The following P3H2 variants were observed in gnomAD, a reference collection of about 807,000 sequenced individuals.
The protein encoded by P3H2 is prolyl 3-hydroxylase 2, also known as leprecan-like 1.
In P3H2, 80 loss-of-function variants were observed where a neutral mutation model predicts 87.0. The ratio of observed to expected loss-of-function variants is 0.92; its 90% CI spans 0.77 to 1.11. The LOEUF (loss-of-function observed/expected upper bound fraction) is 1.11. Among genes scored for constraint, P3H2 ranks in the 50% least tolerant of loss-of-function variants. The pLI is 0.00. For missense variants in P3H2, 1,001 were observed against 923.9 expected, an observed-to-expected ratio of 1.08 and a Z score of -1.08; for synonymous variants, 367 against 359.3, an observed-to-expected ratio of 1.02 and a Z score of -0.24.
intron 1 of P3H2, among the ~76,000 whole-genome samples, chr3:190,118,811 C>G (rs894273822): frequency 6.6e-6 from 1 of 151,964 alleles, no homozygotes; most frequent in Non-Finnish European, 1.5e-5. Context: ...AGAAACACAG[C>G]CTGGTCCAGC....
intron 1 of P3H2, among the ~76,000 whole-genome samples, chr3:190,101,693 C>T (rs774609883): frequency 3.9e-5 from 6 of 152,040 alleles, no homozygotes; most frequent in African/African-American, 1.2e-4. Flanking sequence ...ACGCAGCAAG[C>T]GTTAATGTGG....
chr3:190,038,697 T>G (rs1725503357), intron 1 of P3H2, among the ~76,000 whole-genome samples: 1 of 152,180 alleles, frequency 6.6e-6, no homozygotes, highest in Non-Finnish European at 1.5e-5. Flanking sequence ...CAGAGGCCAT[T>G]TATTTCATCC....
At position 189,957,338 on chromosome 3, in the gene P3H2, G is replaced by C; in HGVS notation, c.*574C>G. On this transcript the variant is annotated 3_prime_UTR_variant, in exon 15 of 15. Transcript: ENST00000319332. ...GCACAGAGCAAGAAAGGGCTTCAGA[G>C]ACCAGGCACAGGTTAATTTTAGAAC... 1 of 402,118 alleles carries C rather than the reference G, an allele frequency of 2.5e-6. No individual in the cohort carries two copies. Among genetic ancestry groups the C allele is most frequent in the South Asian group, 1.3e-4 (1 of 7,534 alleles). The allele number at this position is 402,118 out of a possible 1,614,324, so 24.9% of individuals were successfully genotyped here.
chr3:190,017,548 G>A (rs143845463), intron 1 of P3H2, among the ~76,000 whole-genome samples: 4 of 152,150 alleles, frequency 2.6e-5, no homozygotes, highest in Non-Finnish European at 5.9e-5. Context: ...AATGGGAAAT[G>A]GATTTTAGCA....
intron 1 of P3H2, among the ~76,000 whole-genome samples, chr3:190,073,950 T>C (rs994613097): frequency 1.3e-5 from 2 of 152,194 alleles, no homozygotes; most frequent in Admixed American, 6.5e-5. Flanking sequence ...GTTCACTTTT[T>C]TGAGGAAGGA....
chr3:189,996,703 G>A (rs1025652803), intron 1 of P3H2, among the ~76,000 whole-genome samples: 1 of 151,858 alleles, frequency 6.6e-6, no homozygotes, highest in East Asian at 1.9e-4. Flanking sequence ...TACACATATG[G>A]AAACATCACA....
At chr3:190,048,954 T>C (rs1395648876) in intron 1 of P3H2, among the ~76,000 whole-genome samples, 2 of 152,180 alleles carry the variant, frequency 1.3e-5, no homozygotes, top group Non-Finnish European at 2.9e-5. Context: ...TAGTTAGCAT[T>C]TTAAGAACAA....
intron 1 of P3H2, among the ~76,000 whole-genome samples, chr3:190,065,745 A>G (rs950952305): frequency 1.3e-5 from 2 of 152,142 alleles, no homozygotes; most frequent in Non-Finnish European, 2.9e-5. Context: ...ATTCTGGGCT[A>G]CTGCAATAGC....
At chr3:190,120,210 G>A (rs371465271) in intron 1 of P3H2, 42 bp downstream of exon 1, 33 of 1,595,774 alleles carry the variant, frequency 2.1e-5, no homozygotes, top group Admixed American at 3.5e-5. Flanking sequence ...GAGCGTGTGA[G>A]AGCCGCAGGG....
rs1327109340 is a variant in P3H2 at position 189,971,915 on chromosome 3, G to A, written c.1792C>T (p.Pro598Ser). 3 of 1,610,432 alleles carry A rather than the reference G, an allele frequency of 1.9e-6. No homozygotes were observed. The highest frequency in any genetic ancestry group is 2.5e-6 in the Non-Finnish European group (3 of 1,176,650). ...PEANECWKEP[P>S]AYTFRDYSAL... The stretch of plus-strand genomic sequence containing the variant: ...CTATAGTCTCGAAATGTGTAAGCAG[G>A]AGGCTCCTTCCAGCATTCGTTGGCC... The change falls in exon 12 of 15, where the codon CCT becomes TCT. Residue 598 changes from proline to serine, a missense_variant. By Grantham distance (74) the Pro-to-Ser change is moderately conservative (BLOSUM62 -1). Transcript: ENST00000319332.
At chr3:190,040,577 T>C (rs1180033017) in intron 1 of P3H2, among the ~76,000 whole-genome samples, 1 of 152,178 alleles carries the variant, frequency 6.6e-6, no homozygotes, top group Admixed American at 6.5e-5. Context: ...ATGTTTGCTA[T>C]CACAAACATA....
Position 190,120,896 on chromosome 3 carries a change from G to A in P3H2, c.-165C>T. On this transcript the variant is annotated 5_prime_UTR_variant, in exon 1 of 15. Coordinates refer to ENST00000319332, the MANE Select transcript of P3H2 (RefSeq NM_018192.4). The stretch of plus-strand genomic sequence containing the variant: ...CCGCCGGCGCTCCGCGTACTGAGAG[G>A]CGGAGGCCGTGCCTGGCCAGCCGCT... The A allele has an allele frequency of 3.4e-6, 4 of 1,160,416 alleles. No homozygotes were observed. The highest frequency in any genetic ancestry group is 4.6e-6 in the Non-Finnish European group (4 of 870,226). The allele number at this position is 1,160,416 out of a possible 1,614,324, so 71.9% of individuals were successfully genotyped here.
intron 1 of P3H2, among the ~76,000 whole-genome samples, chr3:190,108,274 C>T (rs1430543025): frequency 6.6e-6 from 1 of 152,102 alleles, no homozygotes; most frequent in Non-Finnish European, 1.5e-5. Flanking sequence ...ACCTCAGCTT[C>T]CCAAAGCACT....
At chr3:189,973,727 T>C (rs1174685978) in intron 10 of P3H2, among the ~76,000 whole-genome samples, 182 bp downstream of exon 10, 1 of 151,998 alleles carries the variant, frequency 6.6e-6, no homozygotes. Context: ...GGTTTCACCA[T>C]GTTAGCCAGG....
intron 12 of P3H2, among the ~76,000 whole-genome samples, chr3:189,971,241 G>C (rs1723169515): frequency 6.6e-6 from 1 of 152,146 alleles, no homozygotes; most frequent in Non-Finnish European, 1.5e-5. Context: ...TAACTCTAAA[G>C]GATTTTTGTT....
chr3:190,061,679 C>G (rs887412016), intron 1 of P3H2, among the ~76,000 whole-genome samples: 2 of 152,160 alleles, frequency 1.3e-5, no homozygotes, highest in African/African-American at 4.8e-5. Flanking sequence ...TATCCCTTAG[C>G]CTTGCCTCCT....
At chr3:189,964,173 A>G (rs1002797761) in intron 13 of P3H2, 75 bp from the exon 14 acceptor site, 9 of 1,399,614 alleles carry the variant, frequency 6.4e-6, no homozygotes, top group East Asian at 2.3e-5. Context: ...TTCTCTGGCT[A>G]TGAGATTATT....
intron 1 of P3H2, among the ~76,000 whole-genome samples, chr3:190,037,800 G>T (rs963734695): frequency 5.3e-5 from 8 of 152,146 alleles, no homozygotes; most frequent in African/African-American, 1.9e-4. Flanking sequence ...CTCAATATTT[G>T]TTAAGCAAAA....
intron 3 of P3H2, among the ~76,000 whole-genome samples, chr3:189,992,053 A>T (rs1723894009): frequency 6.6e-6 from 1 of 152,172 alleles, no homozygotes; most frequent in South Asian, 2.1e-4. Context: ...ATTGAAAGGT[A>T]ACTTGGTTTG....
Sources: gnomAD v4.1 joint callset for allele counts (sites outside exome capture counted in the v4.1 genomes callset) on GRCh38, gnomAD v4.1.1 for gene constraint, MANE v1.5 for transcripts, NCBI Gene and HGNC (gene_info 2026-07-23, HGNC 2026-07-21) for gene names.